Variants in NRG1 observed in about 807,000 individuals in gnomAD.
NRG1 encodes pro-neuregulin-1, membrane-bound isoform.
Under a neutral mutation model 63.8 loss-of-function variants are expected in NRG1, and 18 were observed. That is an observed-to-expected ratio of 0.28 (90% CI 0.19 to 0.42). NRG1 has a LOEUF of 0.42. Among genes scored for constraint, NRG1 ranks in the 10% least tolerant of loss-of-function variants. The pLI is 1.00. For missense variants in NRG1, 762 were observed against 814.7 expected (o/e 0.94, Z 0.79); for synonymous variants, 302 against 301.3 (o/e 1.00, Z -0.02).
At chr8:31,917,173 G>A (rs1435902065) in intron 1 of NRG1, among the ~76,000 whole-genome samples, 1 of 86,862 alleles carries the variant, frequency 1.2e-5, no homozygotes, top group Admixed American at 1.3e-4. Context: ...CACTCTGACG[G>A]TAGTTTCTTT....
chr8:31,725,330 A>G (rs1813321506), intron 1 of NRG1, among the ~76,000 whole-genome samples: 1 of 152,198 alleles, frequency 6.6e-6, no homozygotes. Flanking sequence ...ATATGTTCCC[A>G]GCTAACGTTT....
chr8:31,800,859 G>C lies in NRG1; in HGVS notation c.37+161428G>C, dbSNP rs1463345571. 7.8e-4 allele frequency among the ~76,000 whole-genome samples: 13 copies of C among 16,752 alleles called. No individual in the cohort carries two copies. The East Asian group carries it at 9.7e-3, about 12-fold the overall frequency. 11.0% of individuals were successfully genotyped at this position (16,752 alleles called of 152,430 possible). A position where few individuals can be genotyped will look rare whatever the true frequency, so the allele number is the denominator to read the frequency against. ...TTTCTTTTTTTTTTTTTTTTTTTTTGAGATGGAGTCTCGCTCCATCTCCCA... is the reference window on the plus strand; with the variant it reads ...TTTCTTTTTTTTTTTTTTTTTTTTTCAGATGGAGTCTCGCTCCATCTCCCA... On this transcript the variant is annotated intron_variant, in intron 1 of 10. Coordinates refer to the NRG1 transcript ENST00000519301.
intron 1 of NRG1, among the ~76,000 whole-genome samples, chr8:32,014,567 C>T (rs898631267): frequency 6.6e-6 from 1 of 151,848 alleles, no homozygotes; most frequent in African/African-American, 2.4e-5. Context: ...AATACCCAAG[C>T]TGAATTGAAA....
chr8:31,975,387 G>A (rs551422537), intron 1 of NRG1, among the ~76,000 whole-genome samples: 29 of 152,174 alleles, frequency 1.9e-4, no homozygotes, highest in African/African-American at 7.0e-4. Context: ...CTGGGGAAGG[G>A]GTTATGTTCT....
chr8:32,453,107 T>A (rs573920176), intron 1 of NRG1, among the ~76,000 whole-genome samples: 1 of 152,316 alleles, frequency 6.6e-6, no homozygotes, highest in African/African-American at 2.4e-5. Flanking sequence ...ATTCTGAACC[T>A]GTAACTCATT....
chr8:32,376,008 C>T (rs992601359), intron 1 of NRG1, among the ~76,000 whole-genome samples: 11 of 152,180 alleles, frequency 7.2e-5, no homozygotes, highest in African/African-American at 2.7e-4. Flanking sequence ...TTCAAATTGG[C>T]ATCTTACGAT....
chr8:32,112,021 A>G (rs539297922), intron 1 of NRG1, among the ~76,000 whole-genome samples: 16 of 152,174 alleles, frequency 1.1e-4, no homozygotes, highest in African/African-American at 2.2e-4. Flanking sequence ...ATGACTAACA[A>G]TGTTTTATTG....
At chr8:32,408,156 A>C (rs1337797862) in intron 1 of NRG1, among the ~76,000 whole-genome samples, 1 of 152,156 alleles carries the variant, frequency 6.6e-6, no homozygotes, top group African/African-American at 2.4e-5. Context: ...TACTTGGGGT[A>C]GGCAGTGGGG....
At chr8:32,768,738 T>C (rs1029976782), downstream of NRG1, among the ~76,000 whole-genome samples, 4 of 152,184 alleles carry the variant, frequency 2.6e-5, no homozygotes, top group African/African-American at 7.2e-5. Flanking sequence ...ATTTCACTCA[T>C]TATTCCAGGT....
At chr8:32,005,486 A>G (rs1402447493) in intron 1 of NRG1, among the ~76,000 whole-genome samples, 1 of 152,044 alleles carries the variant, frequency 6.6e-6, no homozygotes, top group African/African-American at 2.4e-5. Context: ...AGGGCAATAA[A>G]TTAAATCTTT....
At chr8:32,212,884 G>T (rs1304339154) in intron 1 of NRG1, among the ~76,000 whole-genome samples, 2 of 152,188 alleles carry the variant, frequency 1.3e-5, no homozygotes, top group African/African-American at 2.4e-5. Context: ...TTGACTGTGA[G>T]ATGAGTATTT....
intron 1 of NRG1, among the ~76,000 whole-genome samples, chr8:31,892,733 G>T (rs1831251845): frequency 6.6e-6 from 1 of 151,928 alleles, no homozygotes; most frequent in Admixed American, 6.6e-5. Context: ...GGTGTAGAGA[G>T]CATTAAAAAA....
chr8:32,462,600 T>C (rs879453964), intron 1 of NRG1, among the ~76,000 whole-genome samples: 1 of 133,394 alleles, frequency 7.5e-6, no homozygotes. Flanking sequence ...TGATTCTTTT[T>C]TTTTTTTTTT....
intron 1 of NRG1, among the ~76,000 whole-genome samples, chr8:31,883,853 C>A (rs768057139): frequency 6.6e-6 from 1 of 152,034 alleles, no homozygotes; most frequent in Non-Finnish European, 1.5e-5. Flanking sequence ...TTAGTTTTGA[C>A]GGAATGGTCT....
chr8:32,570,914 C>G (rs1262617461), intron 1 of NRG1, among the ~76,000 whole-genome samples: 1 of 151,884 alleles, frequency 6.6e-6, no homozygotes, highest in Admixed American at 6.6e-5. Context: ...TTTGTCATGC[C>G]CAGAAAGTTA....
intron 1 of NRG1, among the ~76,000 whole-genome samples, chr8:31,977,251 T>G (rs1276435946): frequency 6.6e-6 from 1 of 152,146 alleles, no homozygotes; most frequent in African/African-American, 2.4e-5. Flanking sequence ...AAATTCAACA[T>G]GTCTATTTTG....
At chr8:32,266,807 G>A (rs965201843) in intron 1 of NRG1, among the ~76,000 whole-genome samples, 4 of 151,332 alleles carry the variant, frequency 2.6e-5, no homozygotes, top group African/African-American at 9.7e-5. Flanking sequence ...AGGCTGAGGT[G>A]GGTGGATCAT....
At chr8:32,247,618 A>C (rs1586364766) in intron 1 of NRG1, among the ~76,000 whole-genome samples, 1 of 152,122 alleles carries the variant, frequency 6.6e-6, no homozygotes, top group Non-Finnish European at 1.5e-5. Context: ...GGGACACTTT[A>C]CTAGGATACG....
chr8:31,930,570 C>G (rs1358458084), intron 1 of NRG1, among the ~76,000 whole-genome samples: 2 of 152,194 alleles, frequency 1.3e-5, no homozygotes, highest in African/African-American at 4.8e-5. Context: ...AAATGGCTAG[C>G]TCTTCTCAAC....
Sources: gnomAD v4.1 joint callset for allele counts (sites outside exome capture counted in the v4.1 genomes callset) on GRCh38, gnomAD v4.1.1 for gene constraint, MANE v1.5 for transcripts, NCBI Gene and HGNC (gene_info 2026-07-23, HGNC 2026-07-21) for gene names.